The following FAM193A variants were observed in gnomAD, a reference collection of about 807,000 sequenced individuals.
FAM193A encodes protein FAM193A.
In FAM193A, 22 loss-of-function variants were observed where a neutral mutation model predicts 126.5. That is an observed-to-expected ratio of 0.17 (90% CI 0.12 to 0.25). The LOEUF is 0.25. Among genes scored for constraint, FAM193A ranks in the 10% least tolerant of loss-of-function variants. FAM193A has a pLI of 1.00. For synonymous variants in FAM193A, 761 were observed against 646.8 expected (o/e 1.18, Z -2.68); for missense variants, 1,675 against 1,672.8 (o/e 1.00, Z -0.02).
rs951208645 is a variant in FAM193A, at chr4:2,543,327, T to C, written c.255+6157T>C. ...TGGTCTCGATCTCCTGACCTCGTGATGTACCCGCCTCGGCCTCTCAAAGTG... is the reference window on the plus strand; with the variant it reads ...TGGTCTCGATCTCCTGACCTCGTGACGTACCCGCCTCGGCCTCTCAAAGTG... On this transcript the variant is annotated intron_variant, in intron 1 of 20. Coordinates refer to ENST00000637812, the MANE Select transcript of FAM193A (RefSeq NM_001366318.2). Among the ~76,000 whole-genome samples, 6 of 152,132 alleles carry C rather than the reference T, an allele frequency of 3.9e-5. No homozygotes were observed. In the South Asian group the frequency reaches 6.2e-4, roughly 16 times the overall value.
chr4:2,568,435 A>G (rs1004669441), intron 1 of FAM193A, among the ~76,000 whole-genome samples: 2 of 152,164 alleles, frequency 1.3e-5, no homozygotes, highest in Non-Finnish European at 2.9e-5. Context: ...AGGGAGGATC[A>G]CCTGAGCCCA....
chr4:2,592,386 C>A (rs1482369971), intron 1 of FAM193A, among the ~76,000 whole-genome samples: 1 of 152,202 alleles, frequency 6.6e-6, no homozygotes, highest in African/African-American at 2.4e-5. Context: ...CCGCGCCCAG[C>A]CTGCTACATT....
Position 2,608,131 on chromosome 4 carries a change from T to A in FAM193A, c.501+11802T>A, listed in dbSNP as rs954016821. Reference sequence around the variant, plus strand: ...CGATCTACTATATCTCCTTGTAGATTGATCTTAACCTGAAAATAAAAAAAT... The same window carrying A: ...CGATCTACTATATCTCCTTGTAGATAGATCTTAACCTGAAAATAAAAAAAT... On this transcript the variant is annotated intron_variant, in intron 2 of 20. Transcript: ENST00000637812. 3 of 1,602,468 alleles carry A rather than the reference T, an allele frequency of 1.9e-6. No homozygotes were observed. The African/African-American group carries it at 4.0e-5, about 22-fold the overall frequency.
intron 1 of FAM193A, among the ~76,000 whole-genome samples, chr4:2,543,849 A>T (rs947145505): frequency 6.8e-6 from 1 of 146,714 alleles, no homozygotes; most frequent in Non-Finnish European, 1.5e-5. Context: ...CAGCCTGCAC[A>T]AAAGAATGAG....
rs751171076 is a variant in FAM193A, at chr4:2,663,149, C to T, written c.1940C>T (p.Ala647Val). ...ISSTSSSSSE[A>V]DDEEADGESS... is the part of the protein sequence containing the mutation. Reference sequence around the variant, plus strand: ...AGTACCAGCAGTAGTTCCTCAGAAGCTGATGATGAAGAAGCGGACGGCGAG... The same window carrying T: ...AGTACCAGCAGTAGTTCCTCAGAAGTTGATGATGAAGAAGCGGACGGCGAG... The change falls in exon 12 of 21, where the codon GCT becomes GTT. Residue 647 changes from alanine (A) to valine (V), a missense_variant. Transcript: ENST00000637812. 6.2e-7 allele frequency: 1 copy of T among 1,614,088 alleles called. No individual in the cohort carries two copies. The highest frequency in any genetic ancestry group is 8.5e-7 in the Non-Finnish European group (1 of 1,179,974).
intron 1 of FAM193A, among the ~76,000 whole-genome samples, chr4:2,543,227 A>G (rs1367547823): frequency 6.6e-6 from 1 of 151,744 alleles, no homozygotes; most frequent in South Asian, 2.1e-4. Flanking sequence ...CGCTGGGGCT[A>G]CTGGTGTGTG....
intron 20 of FAM193A, among the ~76,000 whole-genome samples, chr4:2,722,463 C>A (rs964565970): frequency 1.3e-5 from 2 of 152,188 alleles, no homozygotes; most frequent in African/African-American, 4.8e-5. Context: ...CTTGAGCATT[C>A]TATTCCAGCT....
At chr4:2,639,637 G>A in intron 5 of FAM193A, 98 bp from the exon 6 acceptor site, 5 of 893,492 alleles carry the variant, frequency 5.6e-6, no homozygotes, top group Non-Finnish European at 8.4e-6. Context: ...GTGCGTGGTG[G>A]GGGGAAATGG....
intron 2 of FAM193A, among the ~76,000 whole-genome samples, chr4:2,621,598 G>A (rs1742548947): frequency 6.6e-6 from 1 of 152,192 alleles, no homozygotes. Flanking sequence ...GCTGCTTGGA[G>A]AATGGATGAT....
chr4:2,538,255 A>G (rs1382869217), intron 1 of FAM193A, among the ~76,000 whole-genome samples: 6 of 151,070 alleles, frequency 4.0e-5, no homozygotes, highest in African/African-American at 1.5e-4. Context: ...CTGGAGTGCA[A>G]TAATGGCGCG....
intron 7 of FAM193A, among the ~76,000 whole-genome samples, chr4:2,650,917 T>G (rs1211069138): frequency 6.6e-6 from 1 of 152,178 alleles, no homozygotes; most frequent in Non-Finnish European, 1.5e-5. Context: ...TCCACAGTCT[T>G]GTTAGTGTTT....
chr4:2,659,517 A>G (rs1017698805), intron 8 of FAM193A, 41 bp from the exon 9 acceptor site: 5 of 1,333,204 alleles, frequency 3.8e-6, no homozygotes, highest in Non-Finnish European at 5.4e-6. Flanking sequence ...TGTCTCGGGG[A>G]AGGGTCTTGC....
At chr4:2,633,385 C>T (rs1050377970) in intron 5 of FAM193A, among the ~76,000 whole-genome samples, 4 of 151,446 alleles carry the variant, frequency 2.6e-5, no homozygotes, top group Admixed American at 2.0e-4. Flanking sequence ...GGCAACAGAG[C>T]GAGACTCTGT....
chr4:2,622,257 CAAAAAAAAAAAA>C (rs71178493), intron 2 of FAM193A, among the ~76,000 whole-genome samples: 25 of 55,570 alleles, frequency 4.5e-4, no homozygotes, highest in African/African-American at 1.4e-3. Context: ...ACCCTGTCTC[CAAAAAAAAAAAA>C]AAAAAAAAAA....
intron 4 of FAM193A, among the ~76,000 whole-genome samples, chr4:2,629,672 C>T (rs1743350200): frequency 6.6e-6 from 1 of 152,136 alleles, no homozygotes; most frequent in Non-Finnish European, 1.5e-5. Context: ...TTTTACAACT[C>T]ATTTCTGTTA....
At position 2,730,282 on chromosome 4, in the gene FAM193A, A is replaced by G. The variant is rs80178032; in HGVS notation, c.4455-1493A>G. On this transcript the variant is annotated intron_variant, in intron 20 of 20. Transcript: ENST00000637812. Reference sequence around the variant, plus strand: ...AGAATGTTGACTATTTGCCTGGCTAAGACCTGACACAGGAATCCTTTTAAA... The same window carrying G: ...AGAATGTTGACTATTTGCCTGGCTAGGACCTGACACAGGAATCCTTTTAAA... Among the ~76,000 whole-genome samples, 786 of 152,362 alleles carry G rather than the reference A, an allele frequency of 5.2e-3. 4 individuals are homozygous for G. The highest frequency in any genetic ancestry group is 0.018 in the African/African-American group (746 of 41,588).
intron 13 of FAM193A, among the ~76,000 whole-genome samples, chr4:2,677,461 C>G (rs1452630447): frequency 6.6e-6 from 1 of 151,376 alleles, no homozygotes. Context: ...TTTGGGTTGG[C>G]CGGGCACGGT....
chr4:2,719,706 T>G (rs1719902849), intron 20 of FAM193A, among the ~76,000 whole-genome samples: 1 of 150,556 alleles, frequency 6.6e-6, no homozygotes, highest in Non-Finnish European at 1.5e-5. Context: ...GATTGCACCA[T>G]TGTACTCCAG....
At chr4:2,605,100 T>C (rs1425394149) in intron 2 of FAM193A, among the ~76,000 whole-genome samples, 1 of 151,990 alleles carries the variant, frequency 6.6e-6, no homozygotes, top group Non-Finnish European at 1.5e-5. Flanking sequence ...TGAGCCACCA[T>C]GCCCAGGCGA....
Sources: gnomAD v4.1 joint callset for allele counts (sites outside exome capture counted in the v4.1 genomes callset) on GRCh38, gnomAD v4.1.1 for gene constraint, MANE v1.5 for transcripts, NCBI Gene and HGNC (gene_info 2026-07-23, HGNC 2026-07-21) for gene names.